Variants in PCDHA3 observed in about 807,000 individuals in gnomAD.
PCDHA3 encodes protocadherin alpha 3, also known as protocadherin alpha-3.
PCDHA3 carries 41 observed loss-of-function variants against 62.2 expected under a neutral mutation model. The ratio of observed to expected loss-of-function variants is 0.66; its 90% CI spans 0.51 to 0.86. The LOEUF (loss-of-function observed/expected upper bound fraction) is 0.86. Ranked by LOEUF, PCDHA3 falls within the 40% of genes least tolerant of loss-of-function variation. PCDHA3 has a pLI of 0.00. For synonymous variants in PCDHA3, 640 were observed against 555.4 expected (o/e 1.15, Z -2.14); for missense variants, 1,304 against 1,241.2 (o/e 1.05, Z -0.76).
chr5:140,921,129 C>T (rs998046424), intron 1 of PCDHA3, among the ~76,000 whole-genome samples: 1 of 139,232 alleles, frequency 7.2e-6, no homozygotes, highest in South Asian at 2.4e-4. Context: ...TACAGGTGCA[C>T]ACCACTACAC....
At chr5:140,927,201 C>T (rs1330352185) in intron 1 of PCDHA3, 7 of 1,614,032 alleles carry the variant, frequency 4.3e-6, no homozygotes, top group Non-Finnish European at 5.1e-6. Flanking sequence ...TGCTCGAGGA[C>T]CCGCTGGAGC....
chr5:140,979,414 T>C (rs1410205907), intron 2 of PCDHA3, among the ~76,000 whole-genome samples: 1 of 152,242 alleles, frequency 6.6e-6, no homozygotes, highest in African/African-American at 2.4e-5. Flanking sequence ...CCTTGTTTTT[T>C]TTTTAATCTC....
intron 1 of PCDHA3, among the ~76,000 whole-genome samples, chr5:140,855,674 A>G (rs1431720219): frequency 1.3e-5 from 2 of 149,852 alleles, no homozygotes; most frequent in Non-Finnish European, 3.0e-5. Context: ...CTACTCTGAG[A>G]GTCTACATTT....
chr5:140,929,065 C>G, intron 1 of PCDHA3: 1 of 1,614,194 alleles, frequency 6.2e-7, no homozygotes. Context: ...TACAGAGGAT[C>G]TGAGGTATGG....
rs782332920 is a variant in PCDHA3 at position 140,856,198 on chromosome 5, C to T, written c.2394+52607C>T. 1.9e-6 allele frequency: 3 copies of T among 1,597,984 alleles called. No homozygotes were observed. In the East Asian group the frequency reaches 6.7e-5, roughly 36 times the overall value. On this transcript the variant is annotated intron_variant, in intron 1 of 3. Transcript: ENST00000522353. ...CCTTCGTGGGCCGCATCGCGCAGGA[C>T]CTGGGGCTGGAGCTGGCGGAGCTGG...
intron 1 of PCDHA3, chr5:140,852,112 T>C: frequency 1.1e-6 from 1 of 910,156 alleles, no homozygotes; most frequent in Non-Finnish European, 1.3e-6. Flanking sequence ...TTACAAGGTA[T>C]GACCTAATTA....
chr5:140,836,346 G>C (rs1774395733), intron 1 of PCDHA3: 1 of 1,613,696 alleles, frequency 6.2e-7, no homozygotes, highest in South Asian at 1.1e-5. Flanking sequence ...GAAGGACCAC[G>C]GGGAGCCCTC....
intron 1 of PCDHA3, chr5:140,927,853 G>A: frequency 6.2e-7 from 1 of 1,614,214 alleles, no homozygotes. Flanking sequence ...CTTTGGTTTA[G>A]CTAGCACCGC....
intron 1 of PCDHA3, 32 bp downstream of exon 1, chr5:140,803,623 G>C: frequency 6.2e-7 from 1 of 1,613,908 alleles, no homozygotes; most frequent in Non-Finnish European, 8.5e-7. Context: ...TTTCCAAAAT[G>C]TCTTTGTTTT....
In PCDHA3 at chr5:140,883,707, A is replaced by G. The variant is rs565073045; in HGVS notation, c.2394+80116A>G. 6 of 1,613,636 alleles carry G rather than the reference A, an allele frequency of 3.7e-6. No individual in the cohort carries two copies. Among genetic ancestry groups the G allele is most frequent in the East Asian group, 4.5e-5 (2 of 44,860 alleles). On this transcript the variant is annotated intron_variant, in intron 1 of 3. Transcript: ENST00000522353. ...TGCCACATCTTCACGGTGTCTGCTC[A>G]GGACGCGGACGCACAGGAGAACGCG...
chr5:140,831,992 C>T (rs2150198837), intron 1 of PCDHA3, among the ~76,000 whole-genome samples: 4 of 152,222 alleles, frequency 2.6e-5, no homozygotes, highest in African/African-American at 7.2e-5. Flanking sequence ...ATTACGGATT[C>T]CATATTGTTT....
intron 1 of PCDHA3, among the ~76,000 whole-genome samples, chr5:140,922,582 G>T (rs548638056): frequency 6.6e-5 from 10 of 152,160 alleles, no homozygotes; most frequent in Non-Finnish European, 1.5e-4. Flanking sequence ...CCCTGTAGCC[G>T]CCAGTTCTCA....
At chr5:140,987,395 G>A (rs1438598842) in intron 3 of PCDHA3, among the ~76,000 whole-genome samples, 1 of 152,166 alleles carries the variant, frequency 6.6e-6, no homozygotes, top group East Asian at 1.9e-4. Flanking sequence ...ATGCAAGGAA[G>A]CCATCTGTTT....
chr5:140,845,528 T>G (rs1779913458), intron 1 of PCDHA3, among the ~76,000 whole-genome samples: 1 of 149,556 alleles, frequency 6.7e-6, no homozygotes, highest in African/African-American at 2.4e-5. Context: ...TTAATACTTT[T>G]CACTATTCTA....
intron 3 of PCDHA3, among the ~76,000 whole-genome samples, chr5:140,986,632 A>T (rs1262339478): frequency 6.6e-6 from 1 of 152,170 alleles, no homozygotes; most frequent in African/African-American, 2.4e-5. Flanking sequence ...AGGCAACAGT[A>T]CATTAGTTTT....
At chr5:140,831,620 C>A (rs1771646010) in intron 1 of PCDHA3, among the ~76,000 whole-genome samples, 1 of 150,644 alleles carries the variant, frequency 6.6e-6, no homozygotes, top group Admixed American at 6.7e-5. Context: ...ACCTTGGCCT[C>A]CCAAAGTACT....
intron 1 of PCDHA3, among the ~76,000 whole-genome samples, chr5:140,888,561 G>A (rs2061877783): frequency 6.6e-6 from 1 of 152,156 alleles, no homozygotes; most frequent in South Asian, 2.1e-4. Flanking sequence ...TTCCTTTCAA[G>A]GCTTCATTTT....
intron 1 of PCDHA3, chr5:140,817,240 A>G (rs1766094783): frequency 2.0e-5 from 3 of 152,290 alleles, no homozygotes; most frequent in Admixed American, 1.3e-4. Flanking sequence ...GGGAGAAGAC[A>G]GGAGCTGGGA....
intron 1 of PCDHA3, among the ~76,000 whole-genome samples, chr5:140,890,939 G>A (rs1236920048): frequency 6.6e-6 from 1 of 152,106 alleles, no homozygotes; most frequent in Admixed American, 6.6e-5. Flanking sequence ...GTCCAAAGAT[G>A]CTGGTGAGGA....
Sources: gnomAD v4.1 joint callset for allele counts (sites outside exome capture counted in the v4.1 genomes callset) on GRCh38, gnomAD v4.1.1 for gene constraint, MANE v1.5 for transcripts, NCBI Gene and HGNC (gene_info 2026-07-23, HGNC 2026-07-21) for gene names.